Variants in BRD4 observed in about 807,000 individuals in gnomAD.
The protein encoded by BRD4 is bromodomain-containing protein 4.
Under a neutral mutation model 142.1 loss-of-function variants are expected in BRD4, and 16 were observed. The observed-to-expected ratio is 0.11, with a 90% CI of 0.08 to 0.17. The LOEUF is 0.17. Among genes scored for constraint, BRD4 ranks in the 10% least tolerant of loss-of-function variants. The probability of loss-of-function intolerance (pLI) is 1.00; values close to 1 mark genes in which losing one functional copy is unlikely to be tolerated. For synonymous variants in BRD4, 833 were observed against 707.5 expected, an observed-to-expected ratio of 1.18 and a Z score of -2.82; for missense variants, 1,424 against 1,810.9, an observed-to-expected ratio of 0.79 and a Z score of 3.88.
At chr19:15,303,475 G>A (rs1202403103) in intron 1 of BRD4, among the ~76,000 whole-genome samples, 5 of 152,276 alleles carry the variant, frequency 3.3e-5, no homozygotes, top group East Asian at 1.9e-4. Context: ...CTCTGACAGC[G>A]AACACCTTTA....
At chr19:15,302,848 T>A (rs1265038610) in intron 1 of BRD4, among the ~76,000 whole-genome samples, 1 of 149,630 alleles carries the variant, frequency 6.7e-6, no homozygotes, top group African/African-American at 2.5e-5. Flanking sequence ...TACTAAAAAA[T>A]ACAAAAAAAA....
In BRD4 at chr19:15,265,551, CAGG is replaced by C. The variant is rs749338434; in HGVS notation, c.649_651del (p.Pro217del). ...GGGAAGGGGTGAGGCGTGGCCTGCA[CAGG>C]AGGAGGATTCGGCTGAGGGGTCTGG... is the stretch of plus-strand genomic sequence containing the variant. On this transcript the variant is annotated inframe_deletion, in exon 5 of 20. Transcript: ENST00000679869. 5.0e-6 allele frequency: 8 copies of C among 1,613,866 alleles called. No homozygotes were observed. Among genetic ancestry groups the C allele is most frequent in the African/African-American group, 2.7e-5 (2 of 74,834 alleles).
intron 14 of BRD4, 140 bp downstream of exon 14, chr19:15,242,760 T>C: frequency 1.5e-6 from 2 of 1,353,562 alleles, no homozygotes; most frequent in South Asian, 2.9e-5. Flanking sequence ...CCAATGACCC[T>C]TCCAGGTCCC....
chr19:15,321,553 A>T lies in BRD4; in HGVS notation c.-35+10737T>A, dbSNP rs565773698. On this transcript the variant is annotated intron_variant, in intron 1 of 19. Transcript: ENST00000679869. The stretch of plus-strand genomic sequence containing the variant: ...CTGGGAAGACTCACTCTTGACCTTG[A>T]GGTCAGAACATTAGTGATAAAGAAC... 5.9e-5 allele frequency among the ~76,000 whole-genome samples: 9 copies of T among 152,186 alleles called. No individual in the cohort carries two copies. In the East Asian group the frequency reaches 1.7e-3, roughly 29 times the overall value.
intron 1 of BRD4, among the ~76,000 whole-genome samples, chr19:15,279,684 GAGAA>G (rs1185892863): frequency 6.6e-6 from 1 of 152,206 alleles, no homozygotes; most frequent in East Asian, 1.9e-4. Flanking sequence ...GAGAGGAAAA[GAGAA>G]AGACCACAAA....
Position 15,239,890 on chromosome 19 carries a change from G to A in BRD4, c.3282+20C>T, listed in dbSNP as rs200799413. The A allele has an allele frequency of 3.7e-6, 6 of 1,613,968 alleles. No individual in the cohort carries two copies. In the South Asian group the frequency reaches 6.6e-5, roughly 18 times the overall value. ...CCCCGGCCCTAGCCCACAGGACTATGGCCCAGCCCTGCCAGTTACCTGTTT... is the reference window on the plus strand; with the variant it reads ...CCCCGGCCCTAGCCCACAGGACTATAGCCCAGCCCTGCCAGTTACCTGTTT... On this transcript the variant is annotated intron_variant, in intron 15 of 19. Transcript: ENST00000679869. The surrounding 1 kb of genome is among the most constrained non-coding windows in gnomAD (Gnocchi z 7.4).
At chr19:15,247,677 A>G (rs977773276) in intron 11 of BRD4, 3 of 232,876 alleles carry the variant, frequency 1.3e-5, no homozygotes, top group Non-Finnish European at 2.5e-5. Context: ...CAGCTCCCCA[A>G]TTGTCCTGTG....
chr19:15,293,152 T>C (rs1044243703), intron 1 of BRD4, among the ~76,000 whole-genome samples: 10 of 152,100 alleles, frequency 6.6e-5, no homozygotes, highest in Non-Finnish European at 1.5e-4. Context: ...CATCTTTAAC[T>C]CAGAAAAAGA....
At chr19:15,274,049 T>G (rs540867990) in intron 1 of BRD4, among the ~76,000 whole-genome samples, 1 of 152,200 alleles carries the variant, frequency 6.6e-6, no homozygotes, top group Non-Finnish European at 1.5e-5. Context: ...AACGGAGAAT[T>G]TGCTACATAA....
intron 6 of BRD4, 111 bp downstream of exon 6, chr19:15,264,293 G>T: frequency 7.0e-7 from 1 of 1,428,010 alleles, no homozygotes; most frequent in Non-Finnish European, 9.3e-7. Context: ...AATCCACGCA[G>T]CCACCGTTCC....
At chr19:15,255,242 G>A (rs2047395094) in intron 10 of BRD4, 55 bp downstream of exon 10, 2 of 1,530,978 alleles carry the variant, frequency 1.3e-6, no homozygotes, top group African/African-American at 1.4e-5. Context: ...GGAGGGAAAA[G>A]TTACTCTGAG....
chr19:15,278,105 C>CAAAAAAAAAAAAAAAAAAAAAAAAAA (rs59204229), intron 1 of BRD4, among the ~76,000 whole-genome samples: 1 of 55,028 alleles, frequency 1.8e-5, no homozygotes, highest in Admixed American at 3.2e-4. Flanking sequence ...GACTCCGTCT[C>CAAAAAAAAAAAAAAAAAAAAAAAAAA]AAAAAAAAAA....
chr19:15,298,620 CAAAAAAAAAAAAAAAAA>C (rs57719337), intron 1 of BRD4, among the ~76,000 whole-genome samples: 9 of 65,998 alleles, frequency 1.4e-4, no homozygotes, highest in South Asian at 6.0e-4. Context: ...GACTCCAACT[CAAAAAAAAAAAAAAAAA>C]AAAAAAAAAA....
At chr19:15,297,113 CAGAT>C (rs747905123) in intron 1 of BRD4, among the ~76,000 whole-genome samples, 27 of 152,352 alleles carry the variant, frequency 1.8e-4, no homozygotes, top group South Asian at 1.4e-3. Flanking sequence ...TAGCTTCTAA[CAGAT>C]AGACGTTTAA....
chr19:15,265,261 C>G (rs189720317), intron 5 of BRD4, 93 bp downstream of exon 5: 1 of 1,262,622 alleles, frequency 7.9e-7, no homozygotes, highest in Non-Finnish European at 1.1e-6. Flanking sequence ...CACCAGTGCC[C>G]GGGACCCAGG....
In BRD4 at chr19:15,332,375, G is replaced by A. The variant is rs1376476197; in HGVS notation, c.-120C>T. 3.4e-5 allele frequency: 5 copies of A among 145,928 alleles called. No homozygotes were observed. The East Asian group carries it at 8.0e-4, about 23-fold the overall frequency. The allele number at this position is 145,928 out of a possible 1,614,324, so 9.0% of individuals were successfully genotyped here. Reference sequence around the variant, plus strand: ...CCCGAGCTGCCTGCGCGGCGCCGGGGCCCGCCCGCCGCTCTGCCGAGCTCA... The same window carrying A: ...CCCGAGCTGCCTGCGCGGCGCCGGGACCCGCCCGCCGCTCTGCCGAGCTCA... On this transcript the variant is annotated 5_prime_UTR_variant, in exon 1 of 20. Coordinates refer to ENST00000679869, the MANE Select transcript of BRD4 (RefSeq NM_001379291.1).
Position 15,254,193 on chromosome 19 carries a change from G to C in BRD4, c.2117C>G (p.Ser706Cys). 1 of 1,614,176 alleles carries C rather than the reference G, an allele frequency of 6.2e-7. No individual in the cohort carries two copies. Among genetic ancestry groups the C allele is most frequent in the Non-Finnish European group, 8.5e-7 (1 of 1,180,030 alleles). ...KGFSSSESESSSESSSSDSED... is the reference protein window; with the variant it reads ...KGFSSSESESCSESSSSDSED... Reference sequence around the variant, plus strand: ...GCTGTCAGAGGAGCTGGACTCACTGGAGCTCTCCGACTCTGAGGACGAGAA... The same window carrying C: ...GCTGTCAGAGGAGCTGGACTCACTGCAGCTCTCCGACTCTGAGGACGAGAA... Residue 706 changes from serine (S) to cysteine (C), a missense_variant, in exon 11 of 20, where the codon TCC (serine) becomes TGC (cysteine). Physicochemically the swap from Ser to Cys is moderately radical, Grantham distance 112. This residue lies in a region of BRD4 where 598 missense variants were observed against 647.8 expected (regional missense o/e 0.92). Coordinates refer to ENST00000679869, the MANE Select transcript of BRD4 (RefSeq NM_001379291.1).
At chr19:15,327,813 T>G (rs73508461) in intron 1 of BRD4, among the ~76,000 whole-genome samples, 6,711 of 147,464 alleles carry the variant, frequency 0.046, 434 homozygotes, top group African/African-American at 0.14. Flanking sequence ...GAAATATCCA[T>G]AACAGGCAGA....
At chr19:15,310,791 G>T (rs2047963588) in intron 1 of BRD4, among the ~76,000 whole-genome samples, 4 of 151,666 alleles carry the variant, frequency 2.6e-5, no homozygotes, top group Non-Finnish European at 5.9e-5. Context: ...CACCGTGCCT[G>T]GCCTTAAACA....
Sources: allele counts gnomAD v4.1 joint callset (sites outside exome capture counted in the v4.1 genomes callset), GRCh38; gene constraint gnomAD v4.1.1; regional missense constraint gnomAD v4.1.1; non-coding constraint Gnocchi (gnomAD v3.1); transcripts MANE v1.5; gene names NCBI Gene and HGNC (gene_info 2026-07-23, HGNC 2026-07-21).